Variants in ZSCAN5A observed in about 807,000 individuals in gnomAD.
The protein encoded by ZSCAN5A is zinc finger and SCAN domain containing 5A, also known as zinc finger and SCAN domain-containing protein 5A.
In ZSCAN5A, 12 loss-of-function variants were observed where a neutral mutation model predicts 23.7. That is an observed-to-expected ratio of 0.51 (90% CI 0.32 to 0.82). The LOEUF (loss-of-function observed/expected upper bound fraction) is 0.82, where lower values mean the gene tolerates loss of function less well. ZSCAN5A is among the 40% of genes least tolerant of loss of function. ZSCAN5A has a pLI of 0.03. For synonymous variants in ZSCAN5A, 257 were observed against 239.9 expected (o/e 1.07, Z -0.66); for missense variants, 597 against 617.9 (o/e 0.97, Z 0.36).
chr19:56,329,663 T>C (rs1483474590), intron 2 of ZSCAN5A, among the ~76,000 whole-genome samples: 1 of 152,056 alleles, frequency 6.6e-6, no homozygotes, highest in Non-Finnish European at 1.5e-5. Flanking sequence ...AAATATTCCT[T>C]GAAATAGTCA....
intron 2 of ZSCAN5A, among the ~76,000 whole-genome samples, chr19:56,325,980 TGGA>T (rs2147430088): frequency 6.6e-6 from 1 of 152,000 alleles, no homozygotes; most frequent in Non-Finnish European, 1.5e-5. Context: ...TTGCCCAGGC[TGGA>T]GTGCAGTGGT....
chr19:56,292,545 C>T (rs2039588449), intron 2 of ZSCAN5A, among the ~76,000 whole-genome samples: 1 of 151,200 alleles, frequency 6.6e-6, no homozygotes, highest in Non-Finnish European at 1.5e-5. Flanking sequence ...ACCTCAGCCT[C>T]CCAAAGCACT....
intron 1 of ZSCAN5A, among the ~76,000 whole-genome samples, chr19:56,313,859 G>GATATCACCCA (rs2041199626): frequency 6.6e-6 from 1 of 152,192 alleles, no homozygotes; most frequent in African/African-American, 2.4e-5. Context: ...TCAATCATCT[G>GATATCACCCA]GTGAGAGTTT....
chr19:56,302,587 T>TC (rs1568726690), intron 2 of ZSCAN5A, among the ~76,000 whole-genome samples: 7 of 34,348 alleles, frequency 2.0e-4, no homozygotes, highest in African/African-American at 1.5e-3. Context: ...CTCCCCCTTT[T>TC]CTTCCTCTCC....
chr19:56,254,785 A>C (rs925519535), intron 2 of ZSCAN5A, among the ~76,000 whole-genome samples: 1 of 151,950 alleles, frequency 6.6e-6, no homozygotes, highest in South Asian at 2.1e-4. Context: ...ACATTTCCCT[A>C]ATTATTAGTG....
intron 2 of ZSCAN5A, among the ~76,000 whole-genome samples, chr19:56,356,055 GA>G (rs1209942210): frequency 1.3e-5 from 2 of 148,856 alleles, no homozygotes; most frequent in African/African-American, 5.1e-5. Flanking sequence ...ATGAAAGGAT[GA>G]GACAGGGAGA....
chr19:56,294,856 CTCAG>C (rs1321319083), intron 2 of ZSCAN5A, among the ~76,000 whole-genome samples: 14 of 152,350 alleles, frequency 9.2e-5, no homozygotes, highest in South Asian at 4.1e-4. Flanking sequence ...AAACACAGTG[CTCAG>C]TCAAAGAAGC....
At chr19:56,244,678 C>T (rs55885127) in intron 2 of ZSCAN5A, among the ~76,000 whole-genome samples, 1 of 142,842 alleles carries the variant, frequency 7.0e-6, no homozygotes, top group South Asian at 2.2e-4. Flanking sequence ...TTCCAGATTC[C>T]AATATCAGCT....
At chr19:56,332,353 C>T (rs527590558) in intron 2 of ZSCAN5A, among the ~76,000 whole-genome samples, 16 of 152,178 alleles carry the variant, frequency 1.1e-4, no homozygotes, top group African/African-American at 2.7e-4. Flanking sequence ...ATGTGGGGTA[C>T]GTATGTATTT....
intron 2 of ZSCAN5A, among the ~76,000 whole-genome samples, chr19:56,235,915 T>C (rs62122505): frequency 1.4e-3 from 10 of 7,186 alleles, no homozygotes; most frequent in Admixed American, 3.4e-3. Flanking sequence ...GTGGGCCAAG[T>C]CTCCACTCCA....
intron 2 of ZSCAN5A, among the ~76,000 whole-genome samples, chr19:56,311,207 A>T (rs2041014946): frequency 6.6e-6 from 1 of 152,174 alleles, no homozygotes; most frequent in Non-Finnish European, 1.5e-5. Flanking sequence ...TCCTCACTGC[A>T]TTAAAAAAAA....
intron 2 of ZSCAN5A, among the ~76,000 whole-genome samples, chr19:56,331,003 C>T (rs1377452004): frequency 6.6e-6 from 1 of 152,084 alleles, no homozygotes; most frequent in African/African-American, 2.4e-5. Context: ...TGTAGGGGTC[C>T]AGTTGCATTC....
Position 56,221,318 on chromosome 19 carries a change from T to A in ZSCAN5A, c.*257A>T. 1 of 408,128 alleles carries A rather than the reference T, an allele frequency of 2.5e-6. No individual in the cohort carries two copies. The allele number at this position is 408,128 out of a possible 1,614,324, so 25.3% of individuals were successfully genotyped here. A position where few individuals can be genotyped will look rare whatever the true frequency, so the allele number is the denominator to read the frequency against. ...TTTTCCGTTATACAATATTGAAAAC[T>A]AATAAGATGATCGTTTATTGGAAGA... On this transcript the variant is annotated 3_prime_UTR_variant, in exon 6 of 6. Transcript: ENST00000683990.
chr19:56,274,746 T>C (rs1408762780), intron 2 of ZSCAN5A: 4 of 142,000 alleles, frequency 2.8e-5, no homozygotes, highest in African/African-American at 9.9e-5. Flanking sequence ...GGATCCCACC[T>C]TGTATTTTCA....
chr19:56,222,811 C>A, intron 4 of ZSCAN5A, 70 bp from the exon 5 acceptor site: 9 of 1,594,518 alleles, frequency 5.6e-6, no homozygotes, highest in Non-Finnish European at 7.7e-6. Flanking sequence ...CATCTGTCCC[C>A]TTCTGATTGG....
intron 2 of ZSCAN5A, among the ~76,000 whole-genome samples, chr19:56,251,334 T>C (rs2036326449): frequency 6.6e-6 from 1 of 152,160 alleles, no homozygotes; most frequent in Non-Finnish European, 1.5e-5. Context: ...TAGTTGAAGA[T>C]ACACTAGTTT....
intron 2 of ZSCAN5A, among the ~76,000 whole-genome samples, chr19:56,242,504 C>A (rs924398678): frequency 2.0e-5 from 3 of 152,188 alleles, no homozygotes; most frequent in Non-Finnish European, 2.9e-5. Flanking sequence ...GTCTCCCTGG[C>A]TGTCTCTGTG....
At chr19:56,302,600 C>CCCCTCTTCCTTTTCTTCCTCCCCCTT (rs1568726800) in intron 2 of ZSCAN5A, among the ~76,000 whole-genome samples, 1 of 70,862 alleles carries the variant, frequency 1.4e-5, no homozygotes, top group East Asian at 7.6e-4. Context: ...TCCTCTCCCT[C>CCCCTCTTCCTTTTCTTCCTCCCCCTT]TTCTTCCTCT....
At chr19:56,310,555 A>G (rs1291336814) in intron 2 of ZSCAN5A, 2 of 152,296 alleles carry the variant, frequency 1.3e-5, no homozygotes, top group East Asian at 1.9e-4. Context: ...TGCACTTTAC[A>G]GGTGAAGACA....
Sources: gnomAD v4.1 joint callset for allele counts (sites outside exome capture counted in the v4.1 genomes callset) on GRCh38, gnomAD v4.1.1 for gene constraint, MANE v1.5 for transcripts, NCBI Gene and HGNC (gene_info 2026-07-23, HGNC 2026-07-21) for gene names.